The following CTNNA2 variants were observed in gnomAD, a reference collection of about 807,000 sequenced individuals.
CTNNA2 encodes the protein catenin alpha 2.
CTNNA2 carries 42 observed loss-of-function variants against 101.0 expected under a neutral mutation model. That is an observed-to-expected ratio of 0.42 (90% CI 0.32 to 0.54). The LOEUF is 0.54. CTNNA2 is among the 20% of genes least tolerant of loss of function. The pLI, the probability that CTNNA2 is intolerant of heterozygous loss-of-function variation, is 0.14. For synonymous variants in CTNNA2, 450 were observed against 456.4 expected (o/e 0.99, Z 0.18); for missense variants, 871 against 1,223.1 (o/e 0.71, Z 4.29).
chr2:79,695,369 A>G (rs886695742), intron 2 of CTNNA2, among the ~76,000 whole-genome samples: 1 of 152,002 alleles, frequency 6.6e-6, no homozygotes, highest in Non-Finnish European at 1.5e-5. Flanking sequence ...CAGGCTGGCT[A>G]TCCTGACAGG....
chr2:79,626,617 G>A (rs1272090243), intron 1 of CTNNA2, among the ~76,000 whole-genome samples: 2 of 113,864 alleles, frequency 1.8e-5, no homozygotes, highest in Non-Finnish European at 3.5e-5. Context: ...GTGTGTGTGT[G>A]TATGTGTGTG....
rs1387653350 is a variant in CTNNA2 at position 80,177,249 on chromosome 2, G to A, written c.1057-215962G>A. ...GTGGAATACCATGATGGTGGATAAG[G>A]CATTATGTGAGTCCATGGATGGTAG... On this transcript the variant is annotated intron_variant, in intron 7 of 18. Coordinates refer to ENST00000402739, the MANE Select transcript of CTNNA2 (RefSeq NM_001282597.3). Among the ~76,000 whole-genome samples, 10 of 152,256 alleles carry A rather than the reference G, an allele frequency of 6.6e-5. No homozygotes were observed. In the East Asian group the frequency reaches 1.7e-3, roughly 26 times the overall value.
At chr2:79,741,809 T>C (rs1049119946) in intron 2 of CTNNA2, among the ~76,000 whole-genome samples, 2 of 152,216 alleles carry the variant, frequency 1.3e-5, no homozygotes, top group South Asian at 4.1e-4. Flanking sequence ...TGTTTACTTT[T>C]CTAATACTTA....
At chr2:79,798,707 A>G (rs1324629824) in intron 3 of CTNNA2, among the ~76,000 whole-genome samples, 1 of 152,108 alleles carries the variant, frequency 6.6e-6, no homozygotes, top group African/African-American at 2.4e-5. Context: ...AAGAGCATAG[A>G]CAGATATTTG....
intron 7 of CTNNA2, among the ~76,000 whole-genome samples, chr2:80,148,538 C>T (rs1187338852): frequency 1.3e-5 from 2 of 152,218 alleles, no homozygotes; most frequent in African/African-American, 2.4e-5. Flanking sequence ...AGCAGAGGAG[C>T]AGCACCAGAA....
At chr2:80,012,416 G>T (rs949014649) in intron 7 of CTNNA2, among the ~76,000 whole-genome samples, 7 of 152,132 alleles carry the variant, frequency 4.6e-5, no homozygotes, top group African/African-American at 1.7e-4. Context: ...TTGAGAAAAA[G>T]GGGGCTACAT....
At chr2:80,263,443 T>C (rs533112500) in intron 7 of CTNNA2, among the ~76,000 whole-genome samples, 26 of 152,304 alleles carry the variant, frequency 1.7e-4, no homozygotes, top group African/African-American at 6.0e-4. Context: ...CAAGTAATTC[T>C]TCTGCCTCAG....
At chr2:80,340,809 A>G (rs1283760184) in intron 7 of CTNNA2, among the ~76,000 whole-genome samples, 3 of 152,156 alleles carry the variant, frequency 2.0e-5, no homozygotes, top group African/African-American at 7.2e-5. Context: ...CATGAGTTAA[A>G]GGTCTCAGTT....
intron 9 of CTNNA2, among the ~76,000 whole-genome samples, chr2:80,522,946 C>T (rs1247797947): frequency 1.3e-5 from 2 of 152,130 alleles, no homozygotes; most frequent in African/African-American, 4.8e-5. Flanking sequence ...TCCTGTGGTG[C>T]ATATGTTTTG....
At chr2:80,259,904 G>A (rs956096324) in intron 7 of CTNNA2, among the ~76,000 whole-genome samples, 4 of 152,130 alleles carry the variant, frequency 2.6e-5, no homozygotes, top group African/African-American at 9.7e-5. Context: ...CTGCGCAAAG[G>A]GTTTGAAAAT....
At chr2:79,264,883 T>G (rs1331205822) in intron 2 of CTNNA2, among the ~76,000 whole-genome samples, 1 of 152,114 alleles carries the variant, frequency 6.6e-6, no homozygotes. Flanking sequence ...GAAGTCCTAA[T>G]AGCTTTACAT....
intron 2 of CTNNA2, among the ~76,000 whole-genome samples, chr2:79,240,060 C>T (rs560626681): frequency 6.6e-6 from 1 of 151,662 alleles, no homozygotes; most frequent in East Asian, 2.0e-4. Flanking sequence ...AGGCATGTGC[C>T]ACCATACTCA....
chr2:80,596,786 CG>C (rs144218525), intron 15 of CTNNA2, among the ~76,000 whole-genome samples: 34,593 of 151,938 alleles, frequency 0.23, 5,644 homozygotes, highest in African/African-American at 0.47. Flanking sequence ...GTCTTGTGTC[CG>C]GTTTTCAAAG....
At chr2:79,391,930 G>A (rs949387889) in intron 4 of CTNNA2, among the ~76,000 whole-genome samples, 1 of 152,128 alleles carries the variant, frequency 6.6e-6, no homozygotes, top group South Asian at 2.1e-4. Flanking sequence ...CCATCTTGCT[G>A]CATCCTCACA....
At chr2:80,045,885 C>G (rs6753684) in intron 7 of CTNNA2, among the ~76,000 whole-genome samples, 5,676 of 152,010 alleles carry the variant, frequency 0.037, 345 homozygotes, top group African/African-American at 0.13. Context: ...TCAGTTTAAT[C>G]AACCTCGACA....
chr2:79,278,700 C>A (rs1280036656), intron 2 of CTNNA2, among the ~76,000 whole-genome samples: 2 of 152,118 alleles, frequency 1.3e-5, no homozygotes. Context: ...ACTCTCTCTA[C>A]CTCCAGGCTA....
In CTNNA2 at chr2:80,580,164, C is replaced by G. The variant is rs113044041; in HGVS notation, c.1894-1542C>G. ...TGGAGAAAATAATGTCTACATCATA[C>G]GAGTGTTAAGAAACCTGCGTGAGTT... On this transcript the variant is annotated intron_variant, in intron 13 of 18. Coordinates refer to ENST00000402739, the MANE Select transcript of CTNNA2 (RefSeq NM_001282597.3). Among the ~76,000 whole-genome samples the G allele has an allele frequency of 5.6e-3, 847 of 152,258 alleles. 14 individuals carry two copies. Among genetic ancestry groups the G allele is most frequent in the African/African-American group, 0.019 (799 of 41,556 alleles).
intron 2 of CTNNA2, among the ~76,000 whole-genome samples, chr2:79,211,346 T>C (rs1358998676): frequency 1.3e-5 from 2 of 152,194 alleles, no homozygotes; most frequent in Admixed American, 1.3e-4. Context: ...GGGAAACTTT[T>C]CATGCGCGTC....
At position 79,816,323 on chromosome 2, in the gene CTNNA2, G is replaced by GT. The variant is rs539111490; in HGVS notation, c.299-41686dup. 2.0e-3 allele frequency among the ~76,000 whole-genome samples: 298 copies of GT among 152,152 alleles called. 1 individual carries two copies. The highest frequency in any genetic ancestry group is 6.9e-3 in the African/African-American group (287 of 41,528). ...AGGAGTGATGAGAGTGGGCATCCTT[G>GT]TTTTGTTTCAGTTCTCAGAGGAAAT... On this transcript the variant is annotated intron_variant, in intron 3 of 18. Transcript: ENST00000402739.
Sources: allele counts gnomAD v4.1 joint callset (sites outside exome capture counted in the v4.1 genomes callset), GRCh38; gene constraint gnomAD v4.1.1; transcripts MANE v1.5; gene names NCBI Gene and HGNC (gene_info 2026-07-23, HGNC 2026-07-21).